Variants in SERAC1 observed in about 807,000 individuals in gnomAD.
SERAC1 encodes serine active site containing 1.
A neutral mutation model predicts 85.7 loss-of-function variants in SERAC1; 36 were observed. The ratio of observed to expected loss-of-function variants is 0.42; its 90% confidence interval spans 0.32 to 0.55. The LOEUF is 0.55. Among genes scored for constraint, SERAC1 ranks in the 20% least tolerant of loss-of-function variants. The probability of loss-of-function intolerance (pLI) is 0.11; values close to 1 mark genes in which losing one functional copy is unlikely to be tolerated. For missense variants in SERAC1, 629 were observed against 796.2 expected, an observed-to-expected ratio of 0.79 and a Z score of 2.53; for synonymous variants, 242 against 265.3, an observed-to-expected ratio of 0.91 and a Z score of 0.85.
intron 16 of SERAC1, 157 bp downstream of exon 16, chr6:158,113,292 T>C (rs1784190379): frequency 1.6e-6 from 1 of 609,456 alleles, no homozygotes; most frequent in Non-Finnish European, 2.8e-6. Context: ...ACAGAGAAAT[T>C]TTAATCTATT....
Position 158,130,447 on chromosome 6 carries a change from C to T in SERAC1, c.778G>A (p.Ala260Thr), listed in dbSNP as rs1784647541. ...WCFGGNGLPY[A>T]ESFGEVPSAT... Reference sequence around the variant, plus strand: ...GAAGGAACTTCTCCAAAACTTTCAGCATAAGGAAGTCCATTTCCTCCAAAA... The same window carrying T: ...GAAGGAACTTCTCCAAAACTTTCAGTATAAGGAAGTCCATTTCCTCCAAAA... Residue 260 changes from alanine (A) to threonine (T), a missense_variant, in exon 9 of 17, where the codon GCT becomes ACT. By Grantham distance (58) the Ala-to-Thr change is moderately conservative (BLOSUM62 0). Coordinates refer to ENST00000647468, the MANE Select transcript of SERAC1 (RefSeq NM_032861.4). 2 of 1,603,210 alleles carry T rather than the reference C, an allele frequency of 1.2e-6. No homozygotes were observed. Among genetic ancestry groups the T allele is most frequent in the Admixed American group, 1.7e-5 (1 of 58,224 alleles).
chr6:158,149,829 A>C (rs1210867351), intron 4 of SERAC1, among the ~76,000 whole-genome samples: 1 of 152,248 alleles, frequency 6.6e-6, no homozygotes, highest in Non-Finnish European at 1.5e-5. Context: ...TCTAGCTAAC[A>C]GTGTATGAAC....
rs1006438097 is a variant in SERAC1 at position 158,119,668 on chromosome 6, T to C, written c.1167-498A>G. 1.3e-5 allele frequency among the ~76,000 whole-genome samples: 2 copies of C among 152,214 alleles called. No homozygotes were observed. Among genetic ancestry groups the C allele is most frequent in the Non-Finnish European group, 2.9e-5 (2 of 68,024 alleles). On this transcript the variant is annotated intron_variant, in intron 11 of 16. Transcript: ENST00000647468. The surrounding 1 kb of genome is among the most constrained non-coding windows in gnomAD (Gnocchi z 4.5). ...CATATGACGCATTAAAAACTGTAGA[T>C]AGTATGTTAGTTGCAAGCTATTTAC...
At chr6:158,152,465 G>A (rs563460017) in intron 3 of SERAC1, among the ~76,000 whole-genome samples, 62 of 151,996 alleles carry the variant, frequency 4.1e-4, no homozygotes, top group African/African-American at 1.4e-3. Context: ...GTAGTGAGAC[G>A]AGATCATGCC....
rs779302645 is a variant in SERAC1, at chr6:158,155,360, GA to G, written c.92-10del. 5 of 1,513,110 alleles carry G rather than the reference GA, an allele frequency of 3.3e-6. No individual in the cohort carries two copies. The highest frequency in any genetic ancestry group is 1.4e-5 in the African/African-American group (1 of 72,770). The allele number at this position is 1,513,110 out of a possible 1,614,324, so 93.7% of individuals were successfully genotyped here. On this transcript the variant is annotated splice_polypyrimidine_tract_variant and intron_variant, in intron 2 of 16. Coordinates refer to ENST00000647468, the MANE Select transcript of SERAC1 (RefSeq NM_032861.4). ...AAACTTTATTATATTTCCTTCAAAA[GA>G]AAAAAAGTCAATGTGATGAATTTCA...
chr6:158,114,590 A>G (rs1784231243), intron 15 of SERAC1, 199 bp downstream of exon 15: 2 of 1,255,134 alleles, frequency 1.6e-6, no homozygotes, highest in Non-Finnish European at 2.0e-6. Flanking sequence ...ACAATGCTTG[A>G]GTAAATAATG....
intron 2 of SERAC1, 46 bp from the exon 3 acceptor site, chr6:158,155,397 T>C: frequency 8.3e-7 from 1 of 1,211,346 alleles, no homozygotes; most frequent in Non-Finnish European, 1.2e-6. Flanking sequence ...TTTTTAAAAG[T>C]GTGAAAGGAA....
intron 3 of SERAC1, among the ~76,000 whole-genome samples, chr6:158,152,290 C>T (rs971302763): frequency 1.5e-4 from 23 of 152,078 alleles, no homozygotes; most frequent in African/African-American, 3.6e-4. Flanking sequence ...CCGAGGCGGG[C>T]GGATCACCCG....
intron 10 of SERAC1, among the ~76,000 whole-genome samples, chr6:158,126,647 G>C (rs1235521517): frequency 6.6e-6 from 1 of 152,168 alleles, no homozygotes; most frequent in Non-Finnish European, 1.5e-5. Flanking sequence ...TAGAAAGCAG[G>C]ATATTTGCTT....
At chr6:158,126,714 A>G (rs934001139) in intron 10 of SERAC1, among the ~76,000 whole-genome samples, 2 of 152,168 alleles carry the variant, frequency 1.3e-5, no homozygotes, top group Non-Finnish European at 2.9e-5. Context: ...AAAATCATTA[A>G]TCATAAAATG....
chr6:158,140,509 A>T (rs142588501), intron 8 of SERAC1, among the ~76,000 whole-genome samples: 1 of 152,346 alleles, frequency 6.6e-6, no homozygotes, highest in Non-Finnish European at 1.5e-5. Context: ...CATGTCTTCC[A>T]TCTGCTGTCC....
chr6:158,136,382 C>T lies in SERAC1; in HGVS notation c.739-5896G>A, dbSNP rs903226931. Among the ~76,000 whole-genome samples the T allele has an allele frequency of 3.9e-5, 6 of 152,166 alleles. No homozygotes were observed. The Middle Eastern group carries it at 0.01, about 259-fold the overall frequency. On this transcript the variant is annotated intron_variant, in intron 8 of 16. Transcript: ENST00000647468. ...GAGTTCCTAGACTTTACCAAATCAC[C>T]AAAGGAGTCCATGGTATTCAAAGGT...
intron 8 of SERAC1, 37 bp from the exon 9 acceptor site, chr6:158,130,523 A>T: frequency 7.8e-7 from 1 of 1,276,124 alleles, no homozygotes; most frequent in South Asian, 1.4e-5. Context: ...ACTGAAAAAA[A>T]GTGACTAATA....
At chr6:158,123,494 A>C (rs1232275379) in intron 10 of SERAC1, among the ~76,000 whole-genome samples, 1 of 152,218 alleles carries the variant, frequency 6.6e-6, no homozygotes, top group East Asian at 1.9e-4. Flanking sequence ...CTCTGAGAGG[A>C]AGGAATATGT....
chr6:158,113,224 T>C, intron 16 of SERAC1: 1 of 468,660 alleles, frequency 2.1e-6, no homozygotes, highest in South Asian at 5.7e-5. Context: ...CAATTAACCC[T>C]TCTCATCTAA....
At chr6:158,146,727 G>A in intron 6 of SERAC1, 55 bp downstream of exon 6, 1 of 1,603,034 alleles carries the variant, frequency 6.2e-7, no homozygotes, top group Non-Finnish European at 8.5e-7. Flanking sequence ...TGTCTTTTAT[G>A]TCAGCAATCA....
At chr6:158,152,591 A>T (rs1785233221) in intron 3 of SERAC1, among the ~76,000 whole-genome samples, 1 of 152,114 alleles carries the variant, frequency 6.6e-6, no homozygotes, top group South Asian at 2.1e-4. Context: ...GTAATGTCCT[A>T]GGCCCTCACT....
At chr6:158,156,087 T>C (rs1006256287) in intron 2 of SERAC1, among the ~76,000 whole-genome samples, 1 of 152,190 alleles carries the variant, frequency 6.6e-6, no homozygotes, top group East Asian at 1.9e-4. Context: ...AGGCAGAGGT[T>C]GCAGTGAGCC....
chr6:158,142,607 G>T (rs1218704754), intron 8 of SERAC1, among the ~76,000 whole-genome samples: 2 of 152,010 alleles, frequency 1.3e-5, no homozygotes, highest in Admixed American at 6.6e-5. Flanking sequence ...CTCCCGAGTA[G>T]CTGGGACTAT....
Sources: allele counts gnomAD v4.1 joint callset (sites outside exome capture counted in the v4.1 genomes callset), GRCh38; gene constraint gnomAD v4.1.1; non-coding constraint Gnocchi (gnomAD v3.1); transcripts MANE v1.5; gene names NCBI Gene and HGNC (gene_info 2026-07-23, HGNC 2026-07-21).